Variants in NELL2 observed in about 807,000 individuals in gnomAD.
NELL2 encodes the protein protein kinase C-binding protein NELL2.
Under a neutral mutation model 109.6 loss-of-function variants are expected in NELL2, and 41 were observed. That is an observed-to-expected ratio of 0.37 (90% CI 0.29 to 0.49). The LOEUF is 0.49. Among genes scored for constraint, NELL2 ranks in the 20% least tolerant of loss-of-function variants. NELL2 has a pLI of 0.98. For synonymous variants in NELL2, 355 were observed against 344.7 expected (o/e 1.03, Z -0.33); for missense variants, 900 against 1,008.3 (o/e 0.89, Z 1.45).
chr12:44,676,096 A>C (rs540197089), intron 12 of NELL2, among the ~76,000 whole-genome samples: 1 of 152,270 alleles, frequency 6.6e-6, no homozygotes, highest in South Asian at 2.1e-4. Flanking sequence ...TCACCCAATA[A>C]AATCTTGAAG....
At chr12:44,646,204 GC>G (rs1209190737) in intron 13 of NELL2, among the ~76,000 whole-genome samples, 1 of 151,932 alleles carries the variant, frequency 6.6e-6, no homozygotes, top group Non-Finnish European at 1.5e-5. Flanking sequence ...AATCCTTACA[GC>G]AAGTGTGAGA....
At chr12:44,593,652 T>C (rs930234517) in intron 15 of NELL2, among the ~76,000 whole-genome samples, 1 of 152,224 alleles carries the variant, frequency 6.6e-6, no homozygotes, top group Non-Finnish European at 1.5e-5. Context: ...TTTCTGGTTC[T>C]AGATCCTTGA....
At chr12:44,594,163 G>A (rs1278820733) in intron 15 of NELL2, among the ~76,000 whole-genome samples, 1 of 151,978 alleles carries the variant, frequency 6.6e-6, no homozygotes, top group Admixed American at 6.6e-5. Context: ...TAGGAGAGGG[G>A]TAGCATTAGG....
At chr12:44,615,752 T>C (rs557404111) in intron 13 of NELL2, among the ~76,000 whole-genome samples, 1 of 151,674 alleles carries the variant, frequency 6.6e-6, no homozygotes, top group South Asian at 2.1e-4. Flanking sequence ...TTTACTGTAT[T>C]TTATACCTCT....
At chr12:44,664,090 G>A (rs1361478512) in intron 13 of NELL2, among the ~76,000 whole-genome samples, 1 of 151,712 alleles carries the variant, frequency 6.6e-6, no homozygotes, top group East Asian at 1.9e-4. Flanking sequence ...CAGATTTATT[G>A]GTATTATCAA....
intron 15 of NELL2, among the ~76,000 whole-genome samples, chr12:44,572,404 T>C (rs1592138760): frequency 6.6e-6 from 1 of 152,136 alleles, no homozygotes; most frequent in East Asian, 1.9e-4. Flanking sequence ...CCCACCTTGG[T>C]CTCCCAAAGC....
chr12:44,527,088 A>C (rs749468656), intron 16 of NELL2, among the ~76,000 whole-genome samples: 2 of 152,220 alleles, frequency 1.3e-5, no homozygotes, highest in Non-Finnish European at 2.9e-5. Context: ...CTTGATGTTA[A>C]AGAGCAAATA....
chr12:44,694,775 C>A lies in NELL2; in HGVS notation c.1318+8951G>T, dbSNP rs183575735. ...TTAGCAAGCCTCCCATTAGATCCAG[C>A]AGGGACTTGTGTGCTGGGTTTGCAA... On this transcript the variant is annotated intron_variant, in intron 12 of 19. Coordinates refer to ENST00000429094, the MANE Select transcript of NELL2 (RefSeq NM_001145108.2). Among the ~76,000 whole-genome samples, 400 of 152,186 alleles carry A rather than the reference C, an allele frequency of 2.6e-3. 3 individuals are homozygous for A. Among genetic ancestry groups the A allele is most frequent in the African/African-American group, 8.7e-3 (362 of 41,538 alleles).
At position 44,711,324 on chromosome 12, in the gene NELL2, G is replaced by T; in HGVS notation, c.1157C>A (p.Thr386Asn). ...ALDCPESHQI[T>N]LSHSCCKVCK... Reference sequence around the variant, plus strand: ...AACTTTGCAACAGCTGTGAGACAAGGTTATCTGATGAGACTCTGGACAATC... The same window carrying T: ...AACTTTGCAACAGCTGTGAGACAAGTTTATCTGATGAGACTCTGGACAATC... The change falls in exon 11 of 20, where the codon ACC (threonine) becomes AAC (asparagine). Residue 386 changes from threonine to asparagine, a missense_variant. Around this residue, in one of 4 missense-constraint regions of NELL2, gnomAD observed 292 missense variants for 265.3 expected, o/e 1.10. Coordinates refer to ENST00000429094, the MANE Select transcript of NELL2 (RefSeq NM_001145108.2). 1 of 1,612,560 alleles carries T rather than the reference G, an allele frequency of 6.2e-7. No individual in the cohort carries two copies.
intron 15 of NELL2, among the ~76,000 whole-genome samples, chr12:44,574,988 T>A (rs1380453561): frequency 6.6e-6 from 1 of 152,204 alleles, no homozygotes; most frequent in Non-Finnish European, 1.5e-5. Context: ...AATTATAGAA[T>A]GCATCCTGTT....
intron 2 of NELL2, among the ~76,000 whole-genome samples, chr12:44,866,682 CAG>C (rs1387573421): frequency 1.3e-4 from 19 of 151,694 alleles, no homozygotes; most frequent in East Asian, 3.9e-4. Flanking sequence ...ATAAATGAAA[CAG>C]AGAGTTGTTT....
At chr12:44,525,454 T>C (rs1941720456) in intron 16 of NELL2, among the ~76,000 whole-genome samples, 1 of 152,146 alleles carries the variant, frequency 6.6e-6, no homozygotes, top group South Asian at 2.1e-4. Context: ...ATCCAAGGAG[T>C]TTGAGTTAGT....
chr12:44,810,921 T>C (rs1423662674), intron 3 of NELL2, among the ~76,000 whole-genome samples: 1 of 152,272 alleles, frequency 6.6e-6, no homozygotes, highest in East Asian at 1.9e-4. Context: ...CAGTAAATGA[T>C]ATTTTAATGT....
intron 3 of NELL2, among the ~76,000 whole-genome samples, chr12:44,791,086 T>TACAC (rs1352563531): frequency 1.9e-5 from 1 of 53,818 alleles, no homozygotes. Context: ...TATATACATA[T>TACAC]ATATATATAT....
chr12:44,686,179 T>C (rs1257826275), intron 12 of NELL2, among the ~76,000 whole-genome samples: 2 of 152,234 alleles, frequency 1.3e-5, no homozygotes, highest in African/African-American at 4.8e-5. Context: ...CTTCCATCGC[T>C]GATACCCTTT....
chr12:44,733,824 T>A (rs1939500481), intron 9 of NELL2, among the ~76,000 whole-genome samples: 1 of 151,976 alleles, frequency 6.6e-6, no homozygotes, highest in Non-Finnish European at 1.5e-5. Context: ...TGTTCTAGCA[T>A]CTACTGCCAC....
At chr12:44,617,461 G>A (rs1175025684) in intron 13 of NELL2, among the ~76,000 whole-genome samples, 1 of 106,186 alleles carries the variant, frequency 9.4e-6, no homozygotes, top group Non-Finnish European at 1.8e-5. Context: ...GCCGAGGCGG[G>A]CGGATCACGA....
intron 11 of NELL2, among the ~76,000 whole-genome samples, chr12:44,706,062 A>G (rs955090969): frequency 6.6e-6 from 1 of 152,144 alleles, no homozygotes; most frequent in Admixed American, 6.6e-5. Flanking sequence ...CATCTTGCAC[A>G]CATACACTAT....
At chr12:44,873,870 A>C (rs1216856926) in intron 2 of NELL2, among the ~76,000 whole-genome samples, 5 of 150,468 alleles carry the variant, frequency 3.3e-5, no homozygotes, top group African/African-American at 1.2e-4. Flanking sequence ...TCAATATCCA[A>C]GCCCCACCCT....
Sources: allele counts gnomAD v4.1 joint callset (sites outside exome capture counted in the v4.1 genomes callset), GRCh38; gene constraint gnomAD v4.1.1; regional missense constraint gnomAD v4.1.1; transcripts MANE v1.5; gene names NCBI Gene and HGNC (gene_info 2026-07-23, HGNC 2026-07-21).